Variants in SPAG17 observed in about 807,000 individuals in gnomAD.
The protein encoded by SPAG17 is sperm associated antigen 17.
SPAG17 carries 169 observed loss-of-function variants against 273.6 expected under a neutral mutation model. That is an observed-to-expected ratio of 0.62 (90% CI 0.55 to 0.70). The LOEUF is 0.70. Ranked by LOEUF, SPAG17 falls within the 30% of genes least tolerant of loss-of-function variation. SPAG17 has a pLI of 0.00. For synonymous variants in SPAG17, 825 were observed against 873.2 expected (o/e 0.94, Z 0.97); for missense variants, 2,557 against 2,627.8 (o/e 0.97, Z 0.59).
At chr1:118,082,490 A>G (rs1229971656) in intron 13 of SPAG17, among the ~76,000 whole-genome samples, 1 of 152,224 alleles carries the variant, frequency 6.6e-6, no homozygotes, top group Non-Finnish European at 1.5e-5. Flanking sequence ...AGGAAGAGGT[A>G]AAAGAGTTAC....
intron 17 of SPAG17, among the ~76,000 whole-genome samples, chr1:118,072,073 C>A (rs1653653166): frequency 6.6e-6 from 1 of 152,114 alleles, no homozygotes; most frequent in African/African-American, 2.4e-5. Flanking sequence ...GGGAGAGGAT[C>A]ACAACATACT....
At chr1:118,043,561 G>A (rs1167418210) in intron 20 of SPAG17, among the ~76,000 whole-genome samples, 1 of 152,114 alleles carries the variant, frequency 6.6e-6, no homozygotes, top group Non-Finnish European at 1.5e-5. Context: ...TAATGGTATC[G>A]TGACAACATT....
At chr1:118,115,485 C>T (rs1657018994) in intron 3 of SPAG17, 44 bp from the exon 4 acceptor site, 10 of 1,569,596 alleles carry the variant, frequency 6.4e-6, no homozygotes, top group Non-Finnish European at 8.6e-6. Context: ...GTTTTATAAC[C>T]TTTGGCACAG....
rs1647597364 is a variant in SPAG17 at position 118,025,221 on chromosome 1, C to T, written c.3909+17G>A. ...TTTGGAACAGGGAAGAATAATTTCT[C>T]TAACACATTCTTTTACCTGTGTGGA... On this transcript the variant is annotated intron_variant, in intron 27 of 48. Transcript: ENST00000336338. 1.9e-6 allele frequency: 3 copies of T among 1,611,384 alleles called. No homozygotes were observed. The highest frequency in any genetic ancestry group is 2.2e-5 in the East Asian group (1 of 44,800).
At chr1:118,140,940 G>A (rs571169146) in intron 3 of SPAG17, among the ~76,000 whole-genome samples, 15 of 152,182 alleles carry the variant, frequency 9.9e-5, no homozygotes, top group East Asian at 1.9e-4. Context: ...ACAGGCACCC[G>A]GGCCTTCTTT....
chr1:118,028,168 A>G, intron 26 of SPAG17, 106 bp downstream of exon 26: 2 of 1,321,360 alleles, frequency 1.5e-6, no homozygotes, highest in Non-Finnish European at 2.1e-6. Context: ...TCTATTGTTC[A>G]TTATCAACAA....
chr1:118,108,252 G>A (rs1212420715), intron 4 of SPAG17, among the ~76,000 whole-genome samples: 1 of 152,120 alleles, frequency 6.6e-6, no homozygotes, highest in Non-Finnish European at 1.5e-5. Context: ...GAGAGTGATT[G>A]ACTGGTTGGC....
At chr1:118,098,385 C>A (rs1453848875) in intron 6 of SPAG17, among the ~76,000 whole-genome samples, 2 of 151,972 alleles carry the variant, frequency 1.3e-5, no homozygotes, top group African/African-American at 4.8e-5. Context: ...TGACAGATTT[C>A]CATAAAATTA....
intron 1 of SPAG17, among the ~76,000 whole-genome samples, chr1:118,173,394 T>C (rs1660508184): frequency 1.3e-5 from 2 of 152,050 alleles, no homozygotes; most frequent in African/African-American, 4.8e-5. Flanking sequence ...AAGCTTTCAG[T>C]GGGCAGCCCA....
At chr1:118,113,660 T>C (rs892926936) in intron 4 of SPAG17, among the ~76,000 whole-genome samples, 1 of 152,130 alleles carries the variant, frequency 6.6e-6, no homozygotes, top group Non-Finnish European at 1.5e-5. Context: ...AAAAGTTCTC[T>C]CACTGTATCT....
intron 32 of SPAG17, among the ~76,000 whole-genome samples, chr1:118,000,768 C>A (rs528753216): frequency 9.2e-5 from 14 of 152,278 alleles, no homozygotes; most frequent in African/African-American, 3.4e-4. Flanking sequence ...CATCTGCAAA[C>A]AGGGACAATT....
chr1:117,980,670 C>T lies in SPAG17; in HGVS notation c.6004+600G>A, dbSNP rs1317886978. On this transcript the variant is annotated intron_variant, in intron 43 of 48. Coordinates refer to ENST00000336338, the MANE Select transcript of SPAG17 (RefSeq NM_206996.4). ...AACCAAGTGGTGGCAAAATCATCTA[C>T]ACAATGCAAATTAGTCTCTCTATCT... Among the ~76,000 whole-genome samples the T allele has an allele frequency of 2.0e-5, 3 of 152,338 alleles. No homozygotes were observed. In the East Asian group the frequency reaches 5.8e-4, roughly 29 times the overall value.
At chr1:118,025,539 G>T (rs530206916) in intron 26 of SPAG17, 123 bp from the exon 27 acceptor site, 9 of 805,346 alleles carry the variant, frequency 1.1e-5, no homozygotes, top group Non-Finnish European at 1.6e-5. Context: ...ACAAAGTCTC[G>T]CTTTGTCATC....
intron 22 of SPAG17, 147 bp downstream of exon 22, chr1:118,040,583 G>GC (rs1202982983): frequency 1.6e-6 from 1 of 621,070 alleles, no homozygotes; most frequent in Non-Finnish European, 2.9e-6. Flanking sequence ...AAAGTGTGAA[G>GC]TCTGAAAATG....
chr1:118,116,239 C>T (rs1657073864), intron 3 of SPAG17, among the ~76,000 whole-genome samples: 1 of 152,134 alleles, frequency 6.6e-6, no homozygotes, highest in Admixed American at 6.5e-5. Flanking sequence ...GTAAAATATA[C>T]CATAAAAAGT....
chr1:117,988,344 C>G, intron 38 of SPAG17, 140 bp from the exon 39 acceptor site: 1 of 506,012 alleles, frequency 2.0e-6, no homozygotes, highest in Non-Finnish European at 3.4e-6. Flanking sequence ...CTTACATGAC[C>G]AAGCTGTAAT....
Position 117,981,336 on chromosome 1 carries a change from T to C in SPAG17, c.5938A>G (p.Ile1980Val), listed in dbSNP as rs1167043384. Residue 1980 changes from isoleucine (I) to valine (V), a missense_variant, in exon 43 of 49, where the codon ATT becomes GTT. By Grantham distance (29) the Ile-to-Val change is conservative (BLOSUM62 3). Coordinates refer to ENST00000336338, the MANE Select transcript of SPAG17 (RefSeq NM_206996.4). ...SSVPSLPKPE[I>V]SADKKDFTAQ... ...GTGAAATCCTTCTTATCTGCAGAAA[T>C]CTCTGGTTTTGGAAGACTAGGCACA... 1.2e-6 allele frequency: 2 copies of C among 1,601,948 alleles called. No individual in the cohort carries two copies. The highest frequency in any genetic ancestry group is 1.8e-5 in the Admixed American group (1 of 55,676).
In SPAG17 at chr1:118,091,676, T is replaced by C. The variant is rs1655382429; in HGVS notation, c.1289A>G (p.Asn430Ser). The C allele has an allele frequency of 6.2e-7, 1 of 1,612,172 alleles. No homozygotes were observed. The highest frequency in any genetic ancestry group is 8.5e-7 in the Non-Finnish European group (1 of 1,178,630). ...CTCTCGAATTGGATTCAGCAAATAA[T>C]TGTAATATCTCATGTCTACTTCAGT... ...ITTEVDMRYY[N>S]YLLNPIREEF... Residue 430 changes from asparagine (N) to serine (S), a missense_variant, in exon 10 of 49, where the codon AAT (asparagine) becomes AGT (serine). By Grantham distance (46) the Asn-to-Ser change is conservative. Coordinates refer to ENST00000336338, the MANE Select transcript of SPAG17 (RefSeq NM_206996.4).
rs1654893832 is a variant in SPAG17 at position 118,085,200 on chromosome 1, TTTC to T, written c.1762+719_1762+721del. ...GATTATCTCGATCCTCTTCTTTTTT[TTTC>T]TTCTCTAATTAAAAAAAGAAAGAAC... On this transcript the variant is annotated intron_variant, in intron 13 of 48. Coordinates refer to ENST00000336338, the MANE Select transcript of SPAG17 (RefSeq NM_206996.4). Among the ~76,000 whole-genome samples the T allele has an allele frequency of 2.0e-5, 3 of 152,292 alleles. No individual in the cohort carries two copies. The South Asian group carries it at 6.2e-4, about 32-fold the overall frequency.
Sources: gnomAD v4.1 joint callset for allele counts (sites outside exome capture counted in the v4.1 genomes callset) on GRCh38, gnomAD v4.1.1 for gene constraint, MANE v1.5 for transcripts, NCBI Gene and HGNC (gene_info 2026-07-23, HGNC 2026-07-21) for gene names.